The following COMMD10 variants were observed in gnomAD, a reference collection of about 807,000 sequenced individuals.
The protein encoded by COMMD10 is COMM domain containing 10, also known as COMM domain-containing protein 10.
Under a neutral mutation model 28.9 loss-of-function variants are expected in COMMD10, and 33 were observed. The observed-to-expected ratio is 1.14, with a 90% CI of 0.87 to 1.53. The LOEUF (loss-of-function observed/expected upper bound fraction) is 1.53, where lower values mean the gene tolerates loss of function less well. Among genes scored for constraint, COMMD10 ranks in the 40% most tolerant of loss-of-function variants. The probability of loss-of-function intolerance (pLI) is 0.00; values close to 1 mark genes in which losing one functional copy is unlikely to be tolerated. For synonymous variants in COMMD10, 110 were observed against 81.7 expected (o/e 1.35, Z -1.87); for missense variants, 310 against 233.4 (o/e 1.33, Z -2.14).
intron 5 of COMMD10, among the ~76,000 whole-genome samples, chr5:116,263,119 G>A (rs150077039): frequency 1.3e-5 from 2 of 151,840 alleles, no homozygotes; most frequent in East Asian, 1.9e-4. Flanking sequence ...TATATAAGCC[G>A]TTTTTACTTA....
At chr5:116,253,954 G>T (rs1012299630) in intron 5 of COMMD10, among the ~76,000 whole-genome samples, 1 of 151,886 alleles carries the variant, frequency 6.6e-6, no homozygotes, top group Non-Finnish European at 1.5e-5. Context: ...GTAAGCTATT[G>T]ATTATTGCCA....
At chr5:116,268,573 C>G (rs1750666267) in intron 5 of COMMD10, among the ~76,000 whole-genome samples, 1 of 151,888 alleles carries the variant, frequency 6.6e-6, no homozygotes, top group Admixed American at 6.6e-5. Flanking sequence ...ACTAGAAATA[C>G]CATTTGACCC....
chr5:116,242,849 AG>A lies in COMMD10; in HGVS notation c.511-48667del, dbSNP rs1749847291. On this transcript the variant is annotated intron_variant, in intron 5 of 6. Transcript: ENST00000274458. ...AGTGGTATTAAGCTAATATAAGAAA[AG>A]TAAATAATAATCGTTGGATAGGCTT... Among the ~76,000 whole-genome samples, 6 of 152,310 alleles carry A rather than the reference AG, an allele frequency of 3.9e-5. No homozygotes were observed. In the South Asian group the frequency reaches 1.2e-3, roughly 32 times the overall value.
chr5:116,129,262 T>A (rs1751771621), intron 4 of COMMD10, among the ~76,000 whole-genome samples: 1 of 150,622 alleles, frequency 6.6e-6, no homozygotes, highest in South Asian at 2.1e-4. Context: ...TTTACGTTTT[T>A]AATCTGTAAA....
chr5:116,233,441 A>C (rs1002636800), intron 5 of COMMD10, among the ~76,000 whole-genome samples: 1 of 152,156 alleles, frequency 6.6e-6, no homozygotes, highest in Non-Finnish European at 1.5e-5. Context: ...AGGGGGAACT[A>C]TACATAACAG....
intron 4 of COMMD10, among the ~76,000 whole-genome samples, chr5:116,101,959 G>C (rs549901986): frequency 1.2e-3 from 175 of 152,146 alleles, no homozygotes; most frequent in Middle Eastern, 3.4e-3. Context: ...TCTGGATATT[G>C]GTCCTCTGTC....
intron 5 of COMMD10, among the ~76,000 whole-genome samples, chr5:116,199,212 G>T (rs146900067): frequency 2.0e-5 from 3 of 152,004 alleles, no homozygotes; most frequent in South Asian, 4.2e-4. Context: ...ACTGACATAC[G>T]GTGTGGAGCA....
chr5:116,148,921 T>C (rs1004401923), intron 5 of COMMD10, among the ~76,000 whole-genome samples: 4 of 151,878 alleles, frequency 2.6e-5, no homozygotes, highest in African/African-American at 9.7e-5. Context: ...TACATATGTA[T>C]ACATGTGCCA....
intron 5 of COMMD10, among the ~76,000 whole-genome samples, chr5:116,287,650 A>T (rs1228964465): frequency 6.7e-6 from 1 of 150,156 alleles, no homozygotes; most frequent in Non-Finnish European, 1.5e-5. Flanking sequence ...TTCCTCTCTC[A>T]TTGCCTTTCT....
rs551605090 is a variant in COMMD10 at position 116,180,455 on chromosome 5, A to AT, written c.510+46284dup. ...AGAAGTGGGTATTTTTTCTAATTTG[A>AT]TTTTTTTCCTGTATTAGTGTTGGGA... On this transcript the variant is annotated intron_variant, in intron 5 of 6. Transcript: ENST00000274458. 3.3e-3 allele frequency among the ~76,000 whole-genome samples: 498 copies of AT among 151,928 alleles called. 4 individuals are homozygous for AT. Among genetic ancestry groups the AT allele is most frequent in the African/African-American group, 0.012 (479 of 41,456 alleles).
intron 5 of COMMD10, among the ~76,000 whole-genome samples, chr5:116,163,445 C>T: frequency 1.0e-5 from 1 of 95,832 alleles, no homozygotes; most frequent in South Asian, 2.7e-4. Context: ...AAAAAAAAAG[C>T]CAGGCTTGGT....
At chr5:116,186,222 C>G (rs943803418) in intron 5 of COMMD10, among the ~76,000 whole-genome samples, 7 of 152,098 alleles carry the variant, frequency 4.6e-5, no homozygotes, top group African/African-American at 1.4e-4. Flanking sequence ...ACTTTTTAAA[C>G]AAATTGTTTA....
At chr5:116,156,913 G>C (rs1206821638) in intron 5 of COMMD10, among the ~76,000 whole-genome samples, 3 of 152,074 alleles carry the variant, frequency 2.0e-5, no homozygotes, top group Non-Finnish European at 2.9e-5. Context: ...TAACTGATCA[G>C]TTGTTTGTTT....
chr5:116,230,622 G>A (rs1039435619), intron 5 of COMMD10, among the ~76,000 whole-genome samples: 1 of 151,954 alleles, frequency 6.6e-6, no homozygotes, highest in African/African-American at 2.4e-5. Context: ...TGTCCTATGG[G>A]AATCAATTAT....
intron 4 of COMMD10, among the ~76,000 whole-genome samples, chr5:116,109,542 C>A (rs750118965): frequency 6.6e-6 from 1 of 152,132 alleles, no homozygotes; most frequent in Non-Finnish European, 1.5e-5. Flanking sequence ...TGCAGTGAGC[C>A]GAGATAGTGC....
intron 5 of COMMD10, among the ~76,000 whole-genome samples, chr5:116,236,001 C>G (rs186534832): frequency 6.6e-6 from 1 of 152,202 alleles, no homozygotes; most frequent in East Asian, 1.9e-4. Flanking sequence ...TCTTTGAACA[C>G]TCTTTTATAT....
intron 5 of COMMD10, among the ~76,000 whole-genome samples, chr5:116,246,354 T>A (rs1305480055): frequency 6.6e-6 from 1 of 151,974 alleles, no homozygotes. Context: ...TGGAAAAACA[T>A]TTCATGCTCA....
chr5:116,165,494 T>G (rs531504441), intron 5 of COMMD10, among the ~76,000 whole-genome samples: 2 of 152,234 alleles, frequency 1.3e-5, no homozygotes, highest in African/African-American at 4.8e-5. Context: ...GGAAGAAAGT[T>G]TAAAATCAAG....
intron 5 of COMMD10, among the ~76,000 whole-genome samples, chr5:116,213,661 A>G (rs945712033): frequency 1.3e-5 from 2 of 152,014 alleles, no homozygotes; most frequent in Non-Finnish European, 2.9e-5. Flanking sequence ...TTGCCATCTC[A>G]TTTCCTCACT....
Sources: gnomAD v4.1 joint callset for allele counts (sites outside exome capture counted in the v4.1 genomes callset) on GRCh38, gnomAD v4.1.1 for gene constraint, MANE v1.5 for transcripts, NCBI Gene and HGNC (gene_info 2026-07-23, HGNC 2026-07-21) for gene names.